The following SLC9A6 variants were observed in gnomAD, a reference collection of about 807,000 sequenced individuals.
SLC9A6 encodes the protein sodium/hydrogen exchanger 6.
In SLC9A6, 6 loss-of-function variants were observed where a neutral mutation model predicts 45.3. The observed-to-expected ratio is 0.13, with a 90% CI of 0.07 to 0.26. The LOEUF is 0.26. Ranked by LOEUF, SLC9A6 falls within the 10% of genes least tolerant of loss-of-function variation. The pLI is 1.00. For missense variants in SLC9A6, 278 were observed against 503.7 expected (o/e 0.55, Z 4.29); for synonymous variants, 191 against 187.7 (o/e 1.02, Z -0.14).
intron 16 of SLC9A6, among the ~76,000 whole-genome samples, chrX:136,036,136 C>T (rs1556621801): frequency 9.0e-6 from 1 of 111,162 alleles, no homozygotes; most frequent in East Asian, 2.8e-4. Flanking sequence ...TGGTTTTAAC[C>T]AACTTGGTGA....
At chrX:135,973,839 A>T (rs1556612924), upstream of SLC9A6, 1 of 1,162,553 alleles carries the variant, frequency 8.6e-7, no homozygotes, top group Admixed American at 2.6e-5. Context: ...GAAAACGGAA[A>T]CAGGAATGCC....
At chrX:136,013,289 C>A in intron 9 of SLC9A6, 60 bp from the exon 10 acceptor site, 2 of 901,214 alleles carry the variant, frequency 2.2e-6, no homozygotes, top group Non-Finnish European at 3.3e-6. Flanking sequence ...AAGAAAGAAC[C>A]TCAGTATAAA....
intron 6 of SLC9A6, among the ~76,000 whole-genome samples, chrX:136,001,165 C>A (rs1278547665): frequency 9.2e-6 from 1 of 108,667 alleles, no homozygotes; most frequent in Non-Finnish European, 1.9e-5. Context: ...AAAACTCTGT[C>A]TCTACTAAAA....
At chrX:135,995,311 T>C (rs2089482843) in intron 3 of SLC9A6, among the ~76,000 whole-genome samples, 1 of 111,327 alleles carries the variant, frequency 9.0e-6, no homozygotes, top group South Asian at 3.8e-4. Context: ...TAGTTTTCTT[T>C]TTCTTTTTCT....
At chrX:135,993,717 G>A (rs1556616071) in intron 2 of SLC9A6, among the ~76,000 whole-genome samples, 1 of 110,525 alleles carries the variant, frequency 9.0e-6, no homozygotes, top group East Asian at 2.9e-4. Context: ...ATTGGACCCG[G>A]GAGGCGGAGG....
chrX:136,017,333 C>A (rs1179980522), intron 11 of SLC9A6, among the ~76,000 whole-genome samples: 1 of 109,317 alleles, frequency 9.1e-6, no homozygotes, highest in Non-Finnish European at 1.9e-5. Context: ...TGGAAGGATC[C>A]CTTGAGCCTA....
At chrX:135,981,340 A>T, upstream of SLC9A6, among the ~76,000 whole-genome samples, 1 of 111,036 alleles carries the variant, frequency 9.0e-6, no homozygotes, top group Non-Finnish European at 1.9e-5. Context: ...GAACGCACTC[A>T]CTATCACAAG....
upstream of SLC9A6, chrX:135,983,377 T>C (rs2089295592): frequency 9.0e-6 from 1 of 110,745 alleles, no homozygotes; most frequent in African/African-American, 3.3e-5. Flanking sequence ...TTGAGTAGTA[T>C]GTTTACAAGG....
intron 11 of SLC9A6, among the ~76,000 whole-genome samples, chrX:136,017,263 TA>T (rs1373226251): frequency 1.8e-5 from 2 of 110,003 alleles, no homozygotes; most frequent in African/African-American, 6.6e-5. Context: ...AACAAAATTT[TA>T]AAAACTAGCC....
intron 7 of SLC9A6, among the ~76,000 whole-genome samples, chrX:136,003,190 T>C (rs2089608003): frequency 1.8e-5 from 2 of 108,704 alleles, no homozygotes; most frequent in African/African-American, 3.4e-5. Context: ...GGTTTCACCA[T>C]GTTGGCCAGG....
chrX:135,989,624 CTG>C (rs1251940670), intron 2 of SLC9A6, among the ~76,000 whole-genome samples: 4 of 112,063 alleles, frequency 3.6e-5, no homozygotes, highest in African/African-American at 1.3e-4. Flanking sequence ...CAAAACTAAT[CTG>C]TAGAAATTGT....
chrX:135,979,703 C>T (rs1485222952), intron 1 of SLC9A6, among the ~76,000 whole-genome samples: 4 of 112,369 alleles, frequency 3.6e-5, no homozygotes, highest in African/African-American at 1.3e-4. Flanking sequence ...TAAGGCCTCA[C>T]TACTCTTCAG....
intron 10 of SLC9A6, among the ~76,000 whole-genome samples, chrX:136,015,983 T>C (rs1263407477): frequency 1.8e-5 from 2 of 111,038 alleles, no homozygotes; most frequent in Non-Finnish European, 3.8e-5. Flanking sequence ...GGCTATGATG[T>C]GAATGGGATG....
intron 16 of SLC9A6, among the ~76,000 whole-genome samples, chrX:136,036,338 C>T (rs1556621824): frequency 9.0e-6 from 1 of 110,965 alleles, no homozygotes; most frequent in East Asian, 2.8e-4. Flanking sequence ...CTAAGTCTTT[C>T]GTCCATTGTT....
At chrX:136,039,944 T>G in intron 16 of SLC9A6, 132 bp from the exon 17 acceptor site, 41 of 529,728 alleles carry the variant, frequency 7.7e-5, no homozygotes, top group East Asian at 1.5e-4. Flanking sequence ...GAGGAGGAAA[T>G]GAGACCATAG....
intron 3 of SLC9A6, among the ~76,000 whole-genome samples, chrX:135,997,291 A>C (rs2089517131): frequency 9.7e-6 from 1 of 103,379 alleles, no homozygotes; most frequent in South Asian, 4.2e-4. Flanking sequence ...CCTGACCTCA[A>C]GTGATCCACC....
At chrX:136,000,942 G>T (rs2148154284) in intron 6 of SLC9A6, among the ~76,000 whole-genome samples, 1 of 111,033 alleles carries the variant, frequency 9.0e-6, no homozygotes, top group African/African-American at 3.3e-5. Flanking sequence ...CTGTGATTGT[G>T]CCACTGTACT....
At chrX:136,006,025 C>T (rs1556617937) in intron 7 of SLC9A6, among the ~76,000 whole-genome samples, 1 of 111,779 alleles carries the variant, frequency 8.9e-6, no homozygotes, top group African/African-American at 3.3e-5. Flanking sequence ...CAGTTGTGTG[C>T]TCGCTGTGGG....
At chrX:135,990,581 C>G (rs1321456521) in intron 2 of SLC9A6, among the ~76,000 whole-genome samples, 1 of 111,247 alleles carries the variant, frequency 9.0e-6, no homozygotes, top group Non-Finnish European at 1.9e-5. Context: ...ATTCTCCATG[C>G]TGTTGTTTTA....
Sources: allele counts gnomAD v4.1 joint callset (sites outside exome capture counted in the v4.1 genomes callset), GRCh38; gene constraint gnomAD v4.1.1; transcripts MANE v1.5; gene names NCBI Gene and HGNC (gene_info 2026-07-23, HGNC 2026-07-21).